Variants in PHACTR1 observed in about 807,000 individuals in gnomAD.
The protein encoded by PHACTR1 is RPEL repeat containing 1.
A neutral mutation model predicts 69.2 loss-of-function variants in PHACTR1; 16 were observed. The ratio of observed to expected loss-of-function variants is 0.23; its 90% confidence interval spans 0.16 to 0.35. The LOEUF (loss-of-function observed/expected upper bound fraction) is 0.35. Ranked by LOEUF, PHACTR1 falls within the 10% of genes least tolerant of loss-of-function variation. The pLI is 1.00. For synonymous variants in PHACTR1, 312 were observed against 284.5 expected (o/e 1.10, Z -0.97); for missense variants, 510 against 734.7 (o/e 0.69, Z 3.54).
At chr6:12,779,674 C>T (rs1439444150) in intron 4 of PHACTR1, among the ~76,000 whole-genome samples, 1 of 152,176 alleles carries the variant, frequency 6.6e-6, no homozygotes, top group Admixed American at 6.5e-5. Flanking sequence ...AGTTTCCTGA[C>T]CCCTTCTTGA....
Position 12,991,862 on chromosome 6 carries a change from A to G in PHACTR1, c.251-61503A>G, listed in dbSNP as rs540345042. On this transcript the variant is annotated intron_variant, in intron 4 of 14. Coordinates refer to ENST00000332995, the MANE Select transcript of PHACTR1 (RefSeq NM_030948.6). ...AAATAATGAAAATATCAAGTATTCA[A>G]TGTAATAAGCCTTGCAAATTTCCAA... Among the ~76,000 whole-genome samples, 10 of 152,326 alleles carry G rather than the reference A, an allele frequency of 6.6e-5. No homozygotes were observed. In the South Asian group the frequency reaches 1.7e-3, roughly 25 times the overall value.
chr6:12,841,122 C>T lies in PHACTR1; in HGVS notation c.250+91332C>T, dbSNP rs75246755. Among the ~76,000 whole-genome samples, 1,038 of 152,292 alleles carry T rather than the reference C, an allele frequency of 6.8e-3. 17 individuals carry two copies. Among genetic ancestry groups the T allele is most frequent in the African/African-American group, 0.024 (991 of 41,574 alleles). Reference sequence around the variant, plus strand: ...TGCATAATATGCACTGCATTAAGCTCTTTGGGTAGAGTTACTTCACTTAAT... The same window carrying T: ...TGCATAATATGCACTGCATTAAGCTTTTTGGGTAGAGTTACTTCACTTAAT... On this transcript the variant is annotated intron_variant, in intron 4 of 14. Coordinates refer to ENST00000332995, the MANE Select transcript of PHACTR1 (RefSeq NM_030948.6).
chr6:12,833,090 G>A lies in PHACTR1; in HGVS notation c.250+83300G>A, dbSNP rs115354783. The stretch of plus-strand genomic sequence containing the variant: ...CATGAAGAAGTCACTTCACCTATGA[G>A]GTTCACTGTCTTCCCACTGTGAGGT... On this transcript the variant is annotated intron_variant, in intron 4 of 14. Coordinates refer to ENST00000332995, the MANE Select transcript of PHACTR1 (RefSeq NM_030948.6). Among the ~76,000 whole-genome samples the A allele has an allele frequency of 7.0e-3, 1,061 of 152,132 alleles. 17 individuals are homozygous for A. Among genetic ancestry groups the A allele is most frequent in the African/African-American group, 0.024 (1,011 of 41,522 alleles).
chr6:12,888,658 C>T (rs1783876875), intron 4 of PHACTR1, among the ~76,000 whole-genome samples: 1 of 152,080 alleles, frequency 6.6e-6, no homozygotes, highest in South Asian at 2.1e-4. Context: ...AAGAAAGAAA[C>T]CATTCACTTA....
chr6:12,852,244 C>T (rs779082277), intron 4 of PHACTR1, among the ~76,000 whole-genome samples: 21 of 152,296 alleles, frequency 1.4e-4, no homozygotes, highest in South Asian at 6.2e-4. Flanking sequence ...GGCCAAGCAA[C>T]GTCCCAGAGC....
intron 4 of PHACTR1, among the ~76,000 whole-genome samples, chr6:12,786,280 A>G (rs1275065410): frequency 6.6e-6 from 1 of 152,252 alleles, no homozygotes; most frequent in Non-Finnish European, 1.5e-5. Flanking sequence ...TGTTTCTTGC[A>G]CATTCATGCA....
intron 4 of PHACTR1, among the ~76,000 whole-genome samples, chr6:13,032,999 T>G (rs1180706580): frequency 1.3e-5 from 2 of 152,208 alleles, no homozygotes; most frequent in African/African-American, 2.4e-5. Context: ...TTAAAAAAAG[T>G]TCTGCCTCTA....
intron 4 of PHACTR1, among the ~76,000 whole-genome samples, chr6:12,781,942 A>G (rs182376866): frequency 6.6e-6 from 1 of 152,320 alleles, no homozygotes; most frequent in Admixed American, 6.5e-5. Flanking sequence ...CTGTCACTCA[A>G]ACGATGGCCT....
chr6:13,175,642 C>G (rs1209037526), intron 6 of PHACTR1, among the ~76,000 whole-genome samples: 2 of 152,170 alleles, frequency 1.3e-5, no homozygotes, highest in East Asian at 1.9e-4. Context: ...GTCAGTGCCT[C>G]CTTCGATTTC....
intron 4 of PHACTR1, among the ~76,000 whole-genome samples, chr6:12,790,468 C>T (rs937311979): frequency 6.6e-6 from 1 of 152,178 alleles, no homozygotes; most frequent in African/African-American, 2.4e-5. Context: ...CTCCTCTGAC[C>T]ACCCTATTTA....
intron 5 of PHACTR1, among the ~76,000 whole-genome samples, chr6:13,066,759 T>C (rs1413214270): frequency 6.6e-6 from 1 of 152,142 alleles, no homozygotes; most frequent in Non-Finnish European, 1.5e-5. Flanking sequence ...TGGGCCCCTT[T>C]CCCTGTTTAT....
intron 5 of PHACTR1, among the ~76,000 whole-genome samples, chr6:13,056,773 C>G (rs1806850343): frequency 6.6e-6 from 1 of 152,142 alleles, no homozygotes; most frequent in Non-Finnish European, 1.5e-5. Flanking sequence ...GAGATTCTGG[C>G]TAAGCCAATC....
At chr6:12,897,254 G>C (rs764237845) in intron 4 of PHACTR1, among the ~76,000 whole-genome samples, 20 of 152,144 alleles carry the variant, frequency 1.3e-4, no homozygotes, top group African/African-American at 3.6e-4. Context: ...ATGTGAGGAG[G>C]AGATTTAGCG....
chr6:12,821,594 T>G (rs1231855952), intron 4 of PHACTR1, among the ~76,000 whole-genome samples: 5 of 152,020 alleles, frequency 3.3e-5, no homozygotes, highest in African/African-American at 4.8e-5. Flanking sequence ...CACTCCAATG[T>G]GTAGTCAGTC....
At chr6:13,073,375 ACT>A (rs1211658548) in intron 5 of PHACTR1, among the ~76,000 whole-genome samples, 1 of 105,600 alleles carries the variant, frequency 9.5e-6, no homozygotes, top group African/African-American at 3.7e-5. Flanking sequence ...ACAGAGTCTC[ACT>A]CTGTCACCCA....
At chr6:13,141,883 A>G (rs1822543820) in intron 5 of PHACTR1, among the ~76,000 whole-genome samples, 1 of 152,048 alleles carries the variant, frequency 6.6e-6, no homozygotes, top group South Asian at 2.1e-4. Flanking sequence ...CAAATACAGA[A>G]GAATAATTCA....
chr6:12,967,582 T>C (rs1793650104), intron 4 of PHACTR1, among the ~76,000 whole-genome samples: 1 of 152,212 alleles, frequency 6.6e-6, no homozygotes, highest in Admixed American at 6.5e-5. Context: ...CTGTAACTCT[T>C]AGGTGAGTAA....
intron 1 of PHACTR1, among the ~76,000 whole-genome samples, chr6:12,717,232 T>C (rs1055562149): frequency 2.0e-5 from 3 of 152,178 alleles, no homozygotes; most frequent in Non-Finnish European, 2.9e-5. Context: ...TAATAACTGG[T>C]GCCCCCACAA....
rs188554386 is a variant in PHACTR1 at position 12,959,969 on chromosome 6, A to G, written c.251-93396A>G. Among the ~76,000 whole-genome samples the G allele has an allele frequency of 2.8e-3, 425 of 152,366 alleles. 5 individuals are homozygous for G. The highest frequency in any genetic ancestry group is 9.6e-3 in the African/African-American group (398 of 41,584). ...GTTTTGTTCATTTCTGGGATAGTCC[A>G]ACATTTATGGGACAACTGGTGAAAT... On this transcript the variant is annotated intron_variant, in intron 4 of 14. Coordinates refer to ENST00000332995, the MANE Select transcript of PHACTR1 (RefSeq NM_030948.6).
Sources: gnomAD v4.1 joint callset for allele counts (sites outside exome capture counted in the v4.1 genomes callset) on GRCh38, gnomAD v4.1.1 for gene constraint, MANE v1.5 for transcripts, NCBI Gene and HGNC (gene_info 2026-07-23, HGNC 2026-07-21) for gene names.